Variants in SLC17A1 observed in about 807,000 individuals in gnomAD.
SLC17A1 encodes the protein solute carrier family 17 member 1, also known as sodium-dependent phosphate transport protein 1.
SLC17A1 carries 51 observed loss-of-function variants against 53.5 expected under a neutral mutation model. The observed-to-expected ratio is 0.95, with a 90% CI of 0.76 to 1.20. The LOEUF (loss-of-function observed/expected upper bound fraction) is 1.20, where lower values mean the gene tolerates loss of function less well. Ranked by LOEUF, SLC17A1 falls within the 50% of genes most tolerant of loss-of-function variation. The pLI is 0.00. For missense variants in SLC17A1, 538 were observed against 568.2 expected, an observed-to-expected ratio of 0.95 and a Z score of 0.54; for synonymous variants, 179 against 198.8, an observed-to-expected ratio of 0.90 and a Z score of 0.84.
intron 1 of SLC17A1, among the ~76,000 whole-genome samples, chr6:25,831,474 T>G (rs1581509447): frequency 6.6e-6 from 1 of 152,234 alleles, no homozygotes; most frequent in African/African-American, 2.4e-5. Context: ...ACACACCAAA[T>G]GCACACACAA....
At chr6:25,748,575 T>C in the SLC17A1 span, among the ~76,000 whole-genome samples, 1 of 152,178 alleles carries the variant, frequency 6.6e-6, no homozygotes, top group Admixed American at 6.5e-5. Flanking sequence ...AGACAAAGTA[T>C]AGAGAAAGAA....
chr6:25,774,008 C>T, the SLC17A1 span, among the ~76,000 whole-genome samples: 2 of 152,054 alleles, frequency 1.3e-5, no homozygotes, highest in Non-Finnish European at 2.9e-5. Context: ...AATTTGCAAA[C>T]AAGATGCTCT....
the SLC17A1 span, among the ~76,000 whole-genome samples, chr6:25,775,829 A>G: frequency 3.3e-5 from 5 of 152,296 alleles, no homozygotes; most frequent in East Asian, 7.7e-4. Context: ...AAAACAGTAT[A>G]CTTAGTAATA....
chr6:25,821,341 G>A (rs568674609), intron 3 of SLC17A1, among the ~76,000 whole-genome samples: 2 of 152,246 alleles, frequency 1.3e-5, no homozygotes, highest in South Asian at 4.2e-4. Flanking sequence ...AAATCTGGTA[G>A]GAGTGACTCT....
At chr6:25,734,993 C>T in the SLC17A1 span, among the ~76,000 whole-genome samples, 1 of 152,178 alleles carries the variant, frequency 6.6e-6, no homozygotes, top group Admixed American at 6.5e-5. Flanking sequence ...TTCTCAGAGC[C>T]ACACACCCTT....
chr6:25,777,602 A>G, the SLC17A1 span: 2 of 211,040 alleles, frequency 9.5e-6, no homozygotes, highest in East Asian at 1.1e-4. Context: ...AACAACAACA[A>G]CAACAAAAAC....
the SLC17A1 span, chr6:25,732,491 C>A: frequency 2.6e-6 from 1 of 386,958 alleles, no homozygotes; most frequent in South Asian, 2.3e-5. Context: ...GCTATTCATT[C>A]AGAGAGGTTC....
chr6:25,779,665 T>C (rs964266755), downstream of SLC17A1: 1 of 153,976 alleles, frequency 6.5e-6, no homozygotes, highest in African/African-American at 2.4e-5. Context: ...ATAAGAGGAA[T>C]GAACGTGTCT....
chr6:25,724,883 G>A, the SLC17A1 span, among the ~76,000 whole-genome samples: 1 of 11,204 alleles, frequency 8.9e-5, no homozygotes, highest in Non-Finnish European at 4.3e-4. Context: ...TATGTATGCA[G>A]GTTAATTCAT....
At chr6:25,741,110 A>G in the SLC17A1 span, among the ~76,000 whole-genome samples, 7 of 152,206 alleles carry the variant, frequency 4.6e-5, no homozygotes, top group African/African-American at 1.7e-4. Context: ...CAGTAGGATG[A>G]GTATAGTTAA....
At chr6:25,803,726 T>C (rs939914547) in intron 10 of SLC17A1, among the ~76,000 whole-genome samples, 1 of 152,132 alleles carries the variant, frequency 6.6e-6, no homozygotes, top group Non-Finnish European at 1.5e-5. Flanking sequence ...TGGTAGGTTG[T>C]TATGAGAATT....
chr6:25,790,216 T>C (rs573063427), intron 12 of SLC17A1, among the ~76,000 whole-genome samples: 1 of 152,296 alleles, frequency 6.6e-6, no homozygotes, highest in East Asian at 1.9e-4. Context: ...GGGTATTTGG[T>C]AAACATCTGA....
At chr6:25,738,322 G>A in the SLC17A1 span, among the ~76,000 whole-genome samples, 1 of 150,680 alleles carries the variant, frequency 6.6e-6, no homozygotes, top group Non-Finnish European at 1.5e-5. Flanking sequence ...ATGAAGGAAG[G>A]ATAGTGTTTT....
chr6:25,773,515 C>T, the SLC17A1 span: 1 of 1,613,704 alleles, frequency 6.2e-7, no homozygotes, highest in Non-Finnish European at 8.5e-7. Flanking sequence ...TCTTCCAGGA[C>T]TGTTCACCAG....
the SLC17A1 span, among the ~76,000 whole-genome samples, chr6:25,775,004 C>A: frequency 2.0e-5 from 3 of 152,140 alleles, no homozygotes; most frequent in African/African-American, 7.2e-5. Context: ...TAATTGATAA[C>A]AACAAGGTTC....
the SLC17A1 span, chr6:25,726,502 C>T: frequency 1.9e-6 from 3 of 1,611,376 alleles, no homozygotes; most frequent in South Asian, 1.1e-5. Flanking sequence ...GCGTGCTTTT[C>T]CTCCCTGCTT....
the SLC17A1 span, among the ~76,000 whole-genome samples, chr6:25,771,745 T>C: frequency 4.6e-5 from 7 of 152,314 alleles, no homozygotes; most frequent in African/African-American, 1.7e-4. Context: ...GACCTAATCA[T>C]AGGTAAAATA....
At chr6:25,753,198 T>G in the SLC17A1 span, among the ~76,000 whole-genome samples, 1 of 152,252 alleles carries the variant, frequency 6.6e-6, no homozygotes, top group African/African-American at 2.4e-5. Context: ...TCTTGGGGAA[T>G]TGGGCATCAC....
At chr6:25,798,445 G>A (rs144438254) in intron 12 of SLC17A1, 74 of 193,168 alleles carry the variant, frequency 3.8e-4, no homozygotes, top group African/African-American at 1.2e-3. Context: ...CTTGCCAAAG[G>A]TCCTTGCTCC....
Sources: allele counts gnomAD v4.1 joint callset (sites outside exome capture counted in the v4.1 genomes callset), GRCh38; gene constraint gnomAD v4.1.1; transcripts MANE v1.5; gene names NCBI Gene and HGNC (gene_info 2026-07-23, HGNC 2026-07-21).